GALNT2: variants seen among roughly 807,000 people sequenced by gnomAD.
The protein encoded by GALNT2 is polypeptide N-acetylgalactosaminyltransferase 2, also known as UDP-GalNAc:polypeptide N-acetylgalactosaminyltransferase 2.
Under a neutral mutation model 81.4 loss-of-function variants are expected in GALNT2, and 31 were observed. That is an observed-to-expected ratio of 0.38 (90% CI 0.29 to 0.51). The LOEUF (loss-of-function observed/expected upper bound fraction) is 0.51. GALNT2 is among the 20% of genes least tolerant of loss of function. GALNT2 has a pLI of 0.87. For synonymous variants in GALNT2, 303 were observed against 287.4 expected (o/e 1.05, Z -0.55); for missense variants, 629 against 765.7 (o/e 0.82, Z 2.11).
rs1665023865 is a variant in GALNT2 at position 230,236,165 on chromosome 1, C to A, written c.473+53C>A. 6.4e-6 allele frequency: 10 copies of A among 1,563,330 alleles called. No homozygotes were observed. In the East Asian group the frequency reaches 2.0e-4, roughly 32 times the overall value. On this transcript the variant is annotated intron_variant, in intron 4 of 15. Coordinates refer to ENST00000366672, the MANE Select transcript of GALNT2 (RefSeq NM_004481.5). ...AGGGGTGTTAAGACATTAGCTGTGTCCCAGGCACAGTCAGACCAGGGCTGT... is the reference window on the plus strand; with the variant it reads ...AGGGGTGTTAAGACATTAGCTGTGTACCAGGCACAGTCAGACCAGGGCTGT...
At chr1:230,270,546 G>C (rs1412962544) in intron 14 of GALNT2, among the ~76,000 whole-genome samples, 4 of 152,212 alleles carry the variant, frequency 2.6e-5, no homozygotes, top group African/African-American at 9.6e-5. Flanking sequence ...GGCCCTGGGT[G>C]CCCTGTAGCT....
upstream of GALNT2, among the ~76,000 whole-genome samples, chr1:230,065,651 G>T (rs1205766900): frequency 6.6e-6 from 1 of 152,164 alleles, no homozygotes; most frequent in African/African-American, 2.4e-5. Context: ...TTTGAGGCAG[G>T]GTTCCCGGTT....
intron 1 of GALNT2, among the ~76,000 whole-genome samples, chr1:230,079,044 G>T (rs1571935482): frequency 6.6e-6 from 1 of 152,300 alleles, no homozygotes; most frequent in South Asian, 2.1e-4. Flanking sequence ...CTTTCTGCCA[G>T]ATTTTTCACT....
chr1:230,258,996 C>T (rs954151518), intron 11 of GALNT2: 3 of 152,134 alleles, frequency 2.0e-5, no homozygotes, highest in Admixed American at 6.5e-5. Flanking sequence ...GAAGCTGATC[C>T]AGGGTTTCAT....
At position 230,279,682 on chromosome 1, in the gene GALNT2, G is replaced by A; in HGVS notation, c.*224G>A. ...CCTCCTCTCGGTGCAGCCCAGCCGG[G>A]CCCCCTTCCCCAGGCCGGAGCGCCC... On this transcript the variant is annotated 3_prime_UTR_variant, in exon 16 of 16. Coordinates refer to ENST00000366672, the MANE Select transcript of GALNT2 (RefSeq NM_004481.5). This position sits in a 1 kb window ranked among gnomAD's most constrained non-coding sequence, Gnocchi z 4.6. The A allele has an allele frequency of 1.7e-6, 1 of 600,560 alleles. No homozygotes were observed. The highest frequency in any genetic ancestry group is 1.9e-5 in the South Asian group (1 of 53,754). The allele number at this position is 600,560 out of a possible 1,614,324, so 37.2% of individuals were successfully genotyped here.
intron 1 of GALNT2, among the ~76,000 whole-genome samples, chr1:230,086,377 G>C (rs1022715671): frequency 2.6e-5 from 4 of 152,144 alleles, no homozygotes; most frequent in Admixed American, 1.3e-4. Context: ...CCTTTATCTG[G>C]TGAGGTAGGG....
intron 3 of GALNT2, 68 bp downstream of exon 3, chr1:230,203,358 C>A: frequency 2.0e-6 from 3 of 1,530,928 alleles, no homozygotes; most frequent in Non-Finnish European, 2.7e-6. Flanking sequence ...GTCGCTTTCA[C>A]CTGTGACACT....
rs1665505120 is a variant in GALNT2 at position 230,250,348 on chromosome 1, A to C, written c.906-109A>C. 7.8e-6 allele frequency: 6 copies of C among 770,990 alleles called. No individual in the cohort carries two copies. In the Admixed American group the frequency reaches 1.2e-4, roughly 16 times the overall value. The allele number at this position is 770,990 out of a possible 1,614,324, so 47.8% of individuals were successfully genotyped here. ...CAGTGGCAGTGTGGCTGTTCTGAAG[A>C]TCAGCTTATTGTTAGGGAATCAAGG... is the stretch of plus-strand genomic sequence containing the variant. On this transcript the variant is annotated intron_variant, in intron 9 of 15. Transcript: ENST00000366672.
intron 3 of GALNT2, among the ~76,000 whole-genome samples, chr1:230,223,706 G>A (rs953992226): frequency 6.6e-6 from 1 of 152,138 alleles, no homozygotes; most frequent in Non-Finnish European, 1.5e-5. Context: ...CCTGACCTCA[G>A]GTGATCCTCC....
chr1:230,266,264 C>T (rs186117052), intron 14 of GALNT2, among the ~76,000 whole-genome samples: 1 of 152,278 alleles, frequency 6.6e-6, no homozygotes, highest in East Asian at 1.9e-4. Flanking sequence ...AAAGGAGAGA[C>T]AAAATGAAGG....
chr1:230,148,867 A>T lies in GALNT2; in HGVS notation c.127-29351A>T, dbSNP rs187303652. ...CTCCCAAAGTGTTGGGATTACAGGC[A>T]TAAGCCACCATACCCAGCCCCACTC... On this transcript the variant is annotated intron_variant, in intron 1 of 15. Coordinates refer to ENST00000366672, the MANE Select transcript of GALNT2 (RefSeq NM_004481.5). Among the ~76,000 whole-genome samples, 23 of 149,812 alleles carry T rather than the reference A, an allele frequency of 1.5e-4. No homozygotes were observed. In the East Asian group the frequency reaches 4.4e-3, roughly 29 times the overall value.
chr1:230,240,042 TAGTC>T (rs1460864719), intron 6 of GALNT2, among the ~76,000 whole-genome samples: 7 of 152,378 alleles, frequency 4.6e-5, no homozygotes, highest in Non-Finnish European at 7.3e-5. Flanking sequence ...TTACTTCAAA[TAGTC>T]AGTATCTATT....
intron 1 of GALNT2, among the ~76,000 whole-genome samples, chr1:230,096,100 G>T (rs948877112): frequency 6.6e-6 from 1 of 152,208 alleles, no homozygotes; most frequent in Non-Finnish European, 1.5e-5. Context: ...CTGCTGCAGG[G>T]ACTTTTCTAA....
At chr1:230,253,424 C>T (rs895160358) in intron 10 of GALNT2, among the ~76,000 whole-genome samples, 2 of 152,134 alleles carry the variant, frequency 1.3e-5, no homozygotes, top group Non-Finnish European at 2.9e-5. Context: ...TGACTGCCTG[C>T]AGGATTTGCC....
At chr1:230,270,215 A>G (rs1485512326) in intron 14 of GALNT2, among the ~76,000 whole-genome samples, 5 of 152,200 alleles carry the variant, frequency 3.3e-5, no homozygotes, top group Admixed American at 2.0e-4. Context: ...AAATAAATAA[A>G]AATTTTTAAA....
chr1:230,274,197 G>A (rs926045425), intron 14 of GALNT2, among the ~76,000 whole-genome samples: 1 of 152,218 alleles, frequency 6.6e-6, no homozygotes, highest in Admixed American at 6.5e-5. Flanking sequence ...TAGTTACTGA[G>A]GTCCTCAAAG....
intron 1 of GALNT2, among the ~76,000 whole-genome samples, chr1:230,088,561 A>G (rs1280587908): frequency 6.7e-6 from 1 of 148,870 alleles, no homozygotes; most frequent in Non-Finnish European, 1.5e-5. Flanking sequence ...TCTTTGAGAC[A>G]GAGTCTTGCT....
intron 7 of GALNT2, among the ~76,000 whole-genome samples, chr1:230,244,434 G>A (rs1665301763): frequency 6.6e-6 from 1 of 151,962 alleles, no homozygotes; most frequent in Non-Finnish European, 1.5e-5. Context: ...TAACACATGT[G>A]CATACAGCTA....
At chr1:230,232,414 A>G (rs928411442) in intron 3 of GALNT2, among the ~76,000 whole-genome samples, 3 of 152,196 alleles carry the variant, frequency 2.0e-5, no homozygotes, top group African/African-American at 4.8e-5. Flanking sequence ...GAGACTTTCA[A>G]ATGCTCCTGG....
Sources: allele counts gnomAD v4.1 joint callset (sites outside exome capture counted in the v4.1 genomes callset), GRCh38; gene constraint gnomAD v4.1.1; non-coding constraint Gnocchi (gnomAD v3.1); transcripts MANE v1.5; gene names NCBI Gene and HGNC (gene_info 2026-07-23, HGNC 2026-07-21).